The following MTA1 variants were observed in gnomAD, a reference collection of about 807,000 sequenced individuals.
The protein encoded by MTA1 is metastasis-associated protein MTA1.
Under a neutral mutation model 97.0 loss-of-function variants are expected in MTA1, and 15 were observed. The observed-to-expected ratio is 0.15, with a 90% confidence interval of 0.10 to 0.24. The LOEUF is 0.24. Among genes scored for constraint, MTA1 ranks in the 10% least tolerant of loss-of-function variants. The pLI is 1.00. For missense variants in MTA1, 709 were observed against 1,015.1 expected, an observed-to-expected ratio of 0.70 and a Z score of 4.10; for synonymous variants, 435 against 417.5, an observed-to-expected ratio of 1.04 and a Z score of -0.51.
At chr14:105,431,736 C>T (rs1402190116) in intron 1 of MTA1, among the ~76,000 whole-genome samples, 3 of 152,172 alleles carry the variant, frequency 2.0e-5, no homozygotes, top group Non-Finnish European at 4.4e-5. Flanking sequence ...AGTGATTCTC[C>T]TGCTTCAGCC....
intron 6 of MTA1, among the ~76,000 whole-genome samples, chr14:105,453,764 T>C (rs1490222678): frequency 6.6e-6 from 1 of 152,106 alleles, no homozygotes; most frequent in Non-Finnish European, 1.5e-5. Flanking sequence ...TGAGCCGAGA[T>C]CACGCCATTG....
chr14:105,466,975 G>A (rs1013285738), intron 18 of MTA1: 24 of 581,740 alleles, frequency 4.1e-5, no homozygotes, highest in African/African-American at 7.6e-5. Flanking sequence ...CCTGTCAGTG[G>A]ACTGTCCTGG....
At chr14:105,466,338 C>T in intron 16 of MTA1, 88 bp from the exon 17 acceptor site, 1 of 1,262,780 alleles carries the variant, frequency 7.9e-7, no homozygotes, top group Non-Finnish European at 1.1e-6. Flanking sequence ...TGGGGGTATC[C>T]CGGAACCATG....
intron 3 of MTA1, among the ~76,000 whole-genome samples, chr14:105,447,509 C>T (rs1212394864): frequency 6.6e-6 from 1 of 152,158 alleles, no homozygotes; most frequent in Non-Finnish European, 1.5e-5. Context: ...GAAGGGGACT[C>T]CAGACATAAC....
intron 1 of MTA1, among the ~76,000 whole-genome samples, chr14:105,434,308 T>C (rs1300728010): frequency 6.6e-6 from 1 of 152,210 alleles, no homozygotes; most frequent in African/African-American, 2.4e-5. Flanking sequence ...TCTTTGCTGA[T>C]TTTTCTCACC....
At chr14:105,456,845 C>A (rs1164663068) in intron 7 of MTA1, among the ~76,000 whole-genome samples, 1 of 152,240 alleles carries the variant, frequency 6.6e-6, no homozygotes, top group Non-Finnish European at 1.5e-5. Flanking sequence ...CTTGCTGGTT[C>A]ACACAGCCCC....
At chr14:105,452,352 C>T (rs999751723) in intron 6 of MTA1, among the ~76,000 whole-genome samples, 1 of 152,228 alleles carries the variant, frequency 6.6e-6, no homozygotes, top group African/African-American at 2.4e-5. Flanking sequence ...TGGCGCAGTC[C>T]GGCACCAAAT....
rs1190908667 is a variant in MTA1, at chr14:105,465,102, C to T, written c.1543C>T (p.Arg515Trp). The T allele has an allele frequency of 5.3e-6, 8 of 1,514,856 alleles. No homozygotes were observed. Among genetic ancestry groups the T allele is most frequent in the Non-Finnish European group, 7.1e-6 (8 of 1,126,016 alleles). The allele number at this position is 1,514,856 out of a possible 1,614,324, so 93.8% of individuals were successfully genotyped here. A position where few individuals can be genotyped will look rare whatever the true frequency, so the allele number is the denominator to read the frequency against. Reference sequence around the variant, plus strand: ...CGTGTGGTACCCCGCAGGCACGGCGCGGCTGCCCGAAGCCTCCCAGAGCCC... The same window carrying T: ...CGTGTGGTACCCCGCAGGCACGGCGTGGCTGCCCGAAGCCTCCCAGAGCCC... Reference protein sequence around the residue: ...SAAIKAECTARLPEASQSPLV... With the variant: ...SAAIKAECTAWLPEASQSPLV... Residue 515 changes from arginine to tryptophan, a missense_variant, in exon 16 of 21, where the codon CGG becomes TGG. Coordinates refer to ENST00000331320, the MANE Select transcript of MTA1 (RefSeq NM_004689.4).
At chr14:105,443,528 C>T (rs1555426289) in intron 2 of MTA1, among the ~76,000 whole-genome samples, 1 of 152,186 alleles carries the variant, frequency 6.6e-6, no homozygotes, top group Non-Finnish European at 1.5e-5. Context: ...CACACCACTG[C>T]ATCTGGTTAA....
At chr14:105,458,221 G>A (rs201605828) in intron 7 of MTA1, 49 bp from the exon 8 acceptor site, 19 of 1,544,234 alleles carry the variant, frequency 1.2e-5, no homozygotes, top group East Asian at 9.0e-5. Context: ...GGCGCGGCCC[G>A]GCGCGCCGTG....
In MTA1 at chr14:105,460,395, A is replaced by G. The variant is rs1555430713; in HGVS notation, c.691A>G (p.Ser231Gly). ...GTFARALDCS[S>G]SVRQPSLHMS... ...CTTCGCACGGGCCCTGGACTGCAGC[A>G]GCTCCGTCCGACAGCCCAGCCTGCA... is the stretch of plus-strand genomic sequence containing the variant. The change falls in exon 9 of 21, where the codon AGC becomes GGC. Residue 231 changes from serine (S) to glycine (G), a missense_variant. Coordinates refer to ENST00000331320, the MANE Select transcript of MTA1 (RefSeq NM_004689.4). 6.2e-7 allele frequency: 1 copy of G among 1,611,716 alleles called. No individual in the cohort carries two copies. The highest frequency in any genetic ancestry group is 8.5e-7 in the Non-Finnish European group (1 of 1,179,426).
At chr14:105,434,478 G>A (rs182395368) in intron 1 of MTA1, among the ~76,000 whole-genome samples, 5 of 143,826 alleles carry the variant, frequency 3.5e-5, no homozygotes, top group Admixed American at 2.2e-4. Context: ...TTAGTAGTAC[G>A]TAGAAAGAGG....
Position 105,420,682 on chromosome 14 carries a change from G to A in MTA1, c.28+619G>A, listed in dbSNP as rs2081802840. Among the ~76,000 whole-genome samples the A allele has an allele frequency of 6.6e-6, 1 of 152,210 alleles. No homozygotes were observed. Among genetic ancestry groups the A allele is most frequent in the Non-Finnish European group, 1.5e-5 (1 of 68,028 alleles). ...GCCTCTCGCTCACCTCAGCCCATTC[G>A]GGAGGCGCTTTGCAAGGGTTGGGGA... is the stretch of plus-strand genomic sequence containing the variant. On this transcript the variant is annotated intron_variant, in intron 1 of 20. Coordinates refer to ENST00000331320, the MANE Select transcript of MTA1 (RefSeq NM_004689.4). This position sits in a 1 kb window ranked among gnomAD's most constrained non-coding sequence, Gnocchi z 5.3.
intron 1 of MTA1, among the ~76,000 whole-genome samples, chr14:105,423,171 A>G (rs1257979483): frequency 2.1e-5 from 3 of 145,776 alleles, no homozygotes; most frequent in Non-Finnish European, 4.5e-5. Flanking sequence ...TCTGTTTTTC[A>G]TTGCAAGAGG....
intron 7 of MTA1, among the ~76,000 whole-genome samples, chr14:105,456,301 G>T (rs1555429897): frequency 6.6e-6 from 1 of 152,250 alleles, no homozygotes; most frequent in Non-Finnish European, 1.5e-5. Context: ...TGGCGCATCT[G>T]TACCTTCAGC....
At chr14:105,429,839 C>T (rs1399266787) in intron 1 of MTA1, among the ~76,000 whole-genome samples, 1 of 147,062 alleles carries the variant, frequency 6.8e-6, no homozygotes, top group Non-Finnish European at 1.5e-5. Context: ...TCACTGCCAC[C>T]TCCAGCTCTC....
rs1363866790 is a variant in MTA1, at chr14:105,422,508, GC to G, written c.28+2452del. 6.6e-6 allele frequency among the ~76,000 whole-genome samples: 1 copy of G among 152,052 alleles called. No individual in the cohort carries two copies. The highest frequency in any genetic ancestry group is 1.9e-4 in the East Asian group (1 of 5,186). On this transcript the variant is annotated intron_variant, in intron 1 of 20. Transcript: ENST00000331320. This position sits in a 1 kb window ranked among gnomAD's most constrained non-coding sequence, Gnocchi z 4.3. ...AGCCTGGGAAGGGGCTTGCTCCTGT[GC>G]CCCCCCACCCCAGGGACCTTGTGTG...
At chr14:105,446,892 G>C (rs899468621) in intron 3 of MTA1, among the ~76,000 whole-genome samples, 2 of 152,186 alleles carry the variant, frequency 1.3e-5, no homozygotes, top group Admixed American at 6.5e-5. Context: ...GGACCTCCTA[G>C]CTCTCTGCTC....
At chr14:105,455,188 G>T (rs1555429596) in intron 7 of MTA1, among the ~76,000 whole-genome samples, 1 of 152,248 alleles carries the variant, frequency 6.6e-6, no homozygotes, top group Non-Finnish European at 1.5e-5. Flanking sequence ...TTACATGTGT[G>T]AGCCACTGCA....
Sources: allele counts gnomAD v4.1 joint callset (sites outside exome capture counted in the v4.1 genomes callset), GRCh38; gene constraint gnomAD v4.1.1; non-coding constraint Gnocchi (gnomAD v3.1); transcripts MANE v1.5; gene names NCBI Gene and HGNC (gene_info 2026-07-23, HGNC 2026-07-21).